The following LRIG3 variants were observed in gnomAD, a reference collection of about 807,000 sequenced individuals.
The protein encoded by LRIG3 is leucine rich repeats and immunoglobulin like domains 3.
In LRIG3, 76 loss-of-function variants were observed where a neutral mutation model predicts 114.5. That is an observed-to-expected ratio of 0.66 (90% CI 0.55 to 0.80). The LOEUF is 0.80. Ranked by LOEUF, LRIG3 falls within the 30% of genes least tolerant of loss-of-function variation. The probability of loss-of-function intolerance (pLI) is 0.00; values close to 1 mark genes in which losing one functional copy is unlikely to be tolerated. For synonymous variants in LRIG3, 512 were observed against 519.8 expected (o/e 0.98, Z 0.20); for missense variants, 1,239 against 1,382.8 (o/e 0.90, Z 1.65).
chr12:58,887,997 CA>C, intron 7 of LRIG3, 65 bp from the exon 8 acceptor site: 1 of 1,479,390 alleles, frequency 6.8e-7, no homozygotes, highest in Non-Finnish European at 9.3e-7. Context: ...ATTTGTTTTC[CA>C]AAAGACAGGT....
chr12:58,904,978 T>A (rs1274323891), intron 3 of LRIG3, among the ~76,000 whole-genome samples: 1 of 152,154 alleles, frequency 6.6e-6, no homozygotes, highest in African/African-American at 2.4e-5. Flanking sequence ...AGGGGAAACC[T>A]AAGAGTCTGA....
In LRIG3 at chr12:58,920,468, G is replaced by A; in HGVS notation, c.-233C>T. The stretch of plus-strand genomic sequence containing the variant: ...GCCAACTGCAACAGAGTTGCAGCTT[G>A]AGCAGCGTCGGCTCGCCGAAGCCCC... On this transcript the variant is annotated 5_prime_UTR_variant, in exon 1 of 19. Coordinates refer to ENST00000320743, the MANE Select transcript of LRIG3 (RefSeq NM_153377.5). 2 of 383,590 alleles carry A rather than the reference G, an allele frequency of 5.2e-6. No homozygotes were observed. Among genetic ancestry groups the A allele is most frequent in the Non-Finnish European group, 9.2e-6 (2 of 217,446 alleles). 23.8% of individuals were successfully genotyped at this position (383,590 alleles called of 1,614,324 possible). A position where few individuals can be genotyped will look rare whatever the true frequency, so the allele number is the denominator to read the frequency against.
At chr12:58,891,728 TAAG>T (rs1049474286) in intron 3 of LRIG3, among the ~76,000 whole-genome samples, 3 of 152,152 alleles carry the variant, frequency 2.0e-5, no homozygotes, top group Non-Finnish European at 2.9e-5. Context: ...AAGTATTACA[TAAG>T]AAGAACACTC....
Position 58,872,693 on chromosome 12 carries a change from C to T in LRIG3, c.3239G>A (p.Gly1080Glu). 1 of 1,614,006 alleles carries T rather than the reference C, an allele frequency of 6.2e-7. No homozygotes were observed. The highest frequency in any genetic ancestry group is 8.5e-7 in the Non-Finnish European group (1 of 1,179,970). The change falls in exon 19 of 19, where the codon GGG becomes GAG. Residue 1080 changes from glycine (G) to glutamate (E), a missense_variant. Gly to Glu is a moderately conservative substitution (Grantham distance 98). Coordinates refer to ENST00000320743, the MANE Select transcript of LRIG3 (RefSeq NM_153377.5). ...KAHSSPDLDS[G>E]SEEDGKERTD... ...CCTTTCTTTCCCATCTTCCTCTGAC[C>T]CAGAGTCCAAGTCTGGGGAAGAATG... is the stretch of plus-strand genomic sequence containing the variant.
intron 1 of LRIG3, among the ~76,000 whole-genome samples, chr12:58,917,627 C>T (rs1872527785): frequency 6.6e-6 from 1 of 152,156 alleles, no homozygotes; most frequent in Non-Finnish European, 1.5e-5. Context: ...AGTAATAAAT[C>T]ACAACCAAAT....
At chr12:58,891,841 CAT>C (rs1401661818) in intron 3 of LRIG3, among the ~76,000 whole-genome samples, 1 of 152,164 alleles carries the variant, frequency 6.6e-6, no homozygotes, top group Non-Finnish European at 1.5e-5. Flanking sequence ...CCACTAGCCA[CAT>C]GAGGCTCTTT....
rs376173782 is a variant in LRIG3, at chr12:58,880,736, T to A, written c.1646A>T (p.Tyr549Phe). ...ELLHDAEMENYAHLRAQGGEV... is the reference protein window; with the variant it reads ...ELLHDAEMENFAHLRAQGGEV... ...GCCACCTTGGGCCCGGAGGTGTGCATAATTTTCCATTTCAGCATCATGCAG... is the reference window on the plus strand; with the variant it reads ...GCCACCTTGGGCCCGGAGGTGTGCAAAATTTTCCATTTCAGCATCATGCAG... Residue 549 changes from tyrosine (Y) to phenylalanine (F), a missense_variant, in exon 13 of 19, where the codon TAT becomes TTT. Transcript: ENST00000320743. 1 of 1,614,100 alleles carries A rather than the reference T, an allele frequency of 6.2e-7. No individual in the cohort carries two copies. The highest frequency in any genetic ancestry group is 1.3e-5 in the African/African-American group (1 of 74,928).
chr12:58,914,524 T>C, intron 1 of LRIG3, 188 bp from the exon 2 acceptor site: 1 of 557,424 alleles, frequency 1.8e-6, no homozygotes, highest in South Asian at 2.6e-5. Flanking sequence ...AAAATTAGTT[T>C]AGGGAGACTG....
intron 1 of LRIG3, 119 bp downstream of exon 1, chr12:58,919,881 G>C: frequency 9.6e-7 from 1 of 1,047,010 alleles, no homozygotes; most frequent in Non-Finnish European, 1.4e-6. Flanking sequence ...CGCGGCCTGG[G>C]CCAGAAGGAG....
chr12:58,888,079 T>C, intron 7 of LRIG3, 147 bp from the exon 8 acceptor site: 4 of 815,476 alleles, frequency 4.9e-6, no homozygotes, highest in Non-Finnish European at 7.3e-6. Context: ...ATTTCTAATA[T>C]CAGTAATTAA....
intron 3 of LRIG3, among the ~76,000 whole-genome samples, chr12:58,912,726 C>A (rs1872331929): frequency 6.6e-6 from 1 of 152,098 alleles, no homozygotes; most frequent in African/African-American, 2.4e-5. Flanking sequence ...ACAGCAAGAG[C>A]AAAGTGGAAT....
chr12:58,918,706 CAACT>C (rs1210518960), intron 1 of LRIG3, among the ~76,000 whole-genome samples: 1 of 152,170 alleles, frequency 6.6e-6, no homozygotes, highest in East Asian at 1.9e-4. Flanking sequence ...GAATTAGCCA[CAACT>C]AATTGAAAGT....
At chr12:58,919,058 G>A (rs1393167948) in intron 1 of LRIG3, among the ~76,000 whole-genome samples, 2 of 152,140 alleles carry the variant, frequency 1.3e-5, no homozygotes, top group Non-Finnish European at 2.9e-5. Context: ...TACGTATGAA[G>A]TGCACTTTTA....
chr12:58,914,115 A>G (rs1197014851), intron 2 of LRIG3, 59 bp from the exon 3 acceptor site: 10 of 1,563,556 alleles, frequency 6.4e-6, no homozygotes, highest in Non-Finnish European at 8.7e-6. Flanking sequence ...TGTAATTCAC[A>G]GAGGTGAAAA....
intron 1 of LRIG3, among the ~76,000 whole-genome samples, chr12:58,917,138 C>G (rs891182834): frequency 4.6e-5 from 7 of 152,082 alleles, no homozygotes; most frequent in African/African-American, 1.4e-4. Flanking sequence ...CCACCCCACC[C>G]CCAACTGTGG....
rs1872537862 is a variant in LRIG3 at position 58,917,878 on chromosome 12, GA to G, written c.236+2121del. Among the ~76,000 whole-genome samples the G allele has an allele frequency of 2.6e-5, 4 of 152,206 alleles. No homozygotes were observed. The South Asian group carries it at 8.3e-4, about 32-fold the overall frequency. On this transcript the variant is annotated intron_variant, in intron 1 of 18. Transcript: ENST00000320743. ...TCCTTAAGACGATTTTTCTAATTACGAAAAACTTTAGTAGCTTTTTAGACCA... is the reference window on the plus strand; with the variant it reads ...TCCTTAAGACGATTTTTCTAATTACGAAAACTTTAGTAGCTTTTTAGACCA...
chr12:58,880,876 C>A lies in LRIG3; in HGVS notation c.1506G>T (p.Thr502=). ...TTGCCGACTGTGTTTCTGGCTGAAC[C>A]GTGATCTGGGGTTTGGGAAAATCAT... ...VCDDFPKPQI[T]VQPETQSAIK... is the part of the protein sequence containing the mutation. Residue 502 remains threonine (T), a synonymous_variant, in exon 13 of 19, where the codon ACG becomes ACT. Transcript: ENST00000320743. 1.2e-6 allele frequency: 2 copies of A among 1,613,064 alleles called. No homozygotes were observed. The highest frequency in any genetic ancestry group is 1.7e-6 in the Non-Finnish European group (2 of 1,179,134).
Position 58,880,466 on chromosome 12 carries a change from G to A in LRIG3, c.1801+115C>T, listed in dbSNP as rs564570275. ...GGAATGAAAGGTAGGGAAAGGAAGAGTCAGGTGGGGAACTGTGAGAAGAAA... is the reference window on the plus strand; with the variant it reads ...GGAATGAAAGGTAGGGAAAGGAAGAATCAGGTGGGGAACTGTGAGAAGAAA... On this transcript the variant is annotated intron_variant, in intron 13 of 18. Transcript: ENST00000320743. 5.0e-6 allele frequency: 5 copies of A among 1,008,748 alleles called. No homozygotes were observed. In the East Asian group the frequency reaches 1.3e-4, roughly 26 times the overall value. 62.5% of individuals were successfully genotyped at this position (1,008,748 alleles called of 1,614,324 possible).
At chr12:58,874,759 TA>T (rs1396209214) in intron 16 of LRIG3, among the ~76,000 whole-genome samples, 186 bp from the exon 17 acceptor site, 4 of 152,226 alleles carry the variant, frequency 2.6e-5, no homozygotes, top group African/African-American at 2.4e-5. Context: ...GCCATTGTGC[TA>T]GGTGTGGTGG....
Sources: gnomAD v4.1 joint callset for allele counts (sites outside exome capture counted in the v4.1 genomes callset) on GRCh38, gnomAD v4.1.1 for gene constraint, MANE v1.5 for transcripts, NCBI Gene and HGNC (gene_info 2026-07-23, HGNC 2026-07-21) for gene names.